Variants in PPP2R5A observed in about 807,000 individuals in gnomAD.
PPP2R5A encodes protein phosphatase 2 regulatory subunit B'alpha, also known as serine/threonine-protein phosphatase 2A 56 kDa regulatory subunit alpha isoform.
PPP2R5A carries 25 observed loss-of-function variants against 64.2 expected under a neutral mutation model. The observed-to-expected ratio is 0.39, with a 90% CI of 0.28 to 0.54. The LOEUF is 0.54. PPP2R5A is among the 20% of genes least tolerant of loss of function. PPP2R5A has a pLI of 0.67. For synonymous variants in PPP2R5A, 198 were observed against 201.2 expected (o/e 0.98, Z 0.13); for missense variants, 425 against 576.3 (o/e 0.74, Z 2.69).
At chr1:212,318,163 G>A (rs1659195403) in intron 1 of PPP2R5A, among the ~76,000 whole-genome samples, 1 of 152,190 alleles carries the variant, frequency 6.6e-6, no homozygotes, top group Non-Finnish European at 1.5e-5. Flanking sequence ...TTACAGTGTT[G>A]AGAATTATCT....
intron 1 of PPP2R5A, among the ~76,000 whole-genome samples, chr1:212,294,298 T>A (rs1658653739): frequency 6.6e-6 from 1 of 152,174 alleles, no homozygotes; most frequent in African/African-American, 2.4e-5. Flanking sequence ...GGGAAAAAGG[T>A]GAGACAGTTT....
At position 212,285,837 on chromosome 1, in the gene PPP2R5A, T is replaced by G; in HGVS notation, c.-274T>G. The G allele has an allele frequency of 2.8e-6, 1 of 352,412 alleles. No individual in the cohort carries two copies. The highest frequency in any genetic ancestry group is 5.1e-6 in the Non-Finnish European group (1 of 197,092). The allele number at this position is 352,412 out of a possible 1,614,324, so 21.8% of individuals were successfully genotyped here. ...GCTCTGCGCGCCCAGAGTCAACAAC[T>G]TCTTCACCCCCCTCCGCCCCCGCCC... On this transcript the variant is annotated 5_prime_UTR_variant, in exon 1 of 13. Transcript: ENST00000261461.
At chr1:212,303,238 T>A (rs1658831580) in intron 1 of PPP2R5A, among the ~76,000 whole-genome samples, 1 of 152,226 alleles carries the variant, frequency 6.6e-6, no homozygotes, top group Admixed American at 6.5e-5. Flanking sequence ...TCGCTCCACA[T>A]CCTTACCAGT....
chr1:212,311,157 C>A (rs1334865337), intron 1 of PPP2R5A, among the ~76,000 whole-genome samples: 4 of 152,106 alleles, frequency 2.6e-5, no homozygotes, highest in African/African-American at 9.7e-5. Flanking sequence ...TGTAAAAAAA[C>A]CAGCTGCACT....
rs1456937458 is a variant in PPP2R5A at position 212,321,936 on chromosome 1, G to A, written c.182-7199G>A. On this transcript the variant is annotated intron_variant, in intron 1 of 12. Transcript: ENST00000261461. Reference sequence around the variant, plus strand: ...TGAACGCGACTCCGTCTGCCATCCCGGCACCTCGGGAGGCCCAGGCTGGCG... The same window carrying A: ...TGAACGCGACTCCGTCTGCCATCCCAGCACCTCGGGAGGCCCAGGCTGGCG... Among the ~76,000 whole-genome samples, 5 of 151,604 alleles carry A rather than the reference G, an allele frequency of 3.3e-5. No homozygotes were observed. The South Asian group carries it at 6.2e-4, about 19-fold the overall frequency.
At chr1:212,337,618 A>G (rs1659612010) in intron 3 of PPP2R5A, among the ~76,000 whole-genome samples, 1 of 152,194 alleles carries the variant, frequency 6.6e-6, no homozygotes, top group Admixed American at 6.5e-5. Flanking sequence ...TATAGCCACA[A>G]AAATAAAAAG....
At chr1:212,312,538 C>T (rs1659059225) in intron 1 of PPP2R5A, among the ~76,000 whole-genome samples, 1 of 152,196 alleles carries the variant, frequency 6.6e-6, no homozygotes, top group Non-Finnish European at 1.5e-5. Flanking sequence ...GTTGATCTCC[C>T]TCTGGACTAG....
intron 1 of PPP2R5A, among the ~76,000 whole-genome samples, chr1:212,292,903 A>G (rs890529705): frequency 6.6e-6 from 1 of 152,182 alleles, no homozygotes; most frequent in Non-Finnish European, 1.5e-5. Flanking sequence ...AAACTGGTTC[A>G]GGATTATTTA....
rs114148425 is a variant in PPP2R5A at position 212,309,055 on chromosome 1, A to G, written c.182-20080A>G. ...TAGCCAGCTAGACTCAGTTTAGATG[A>G]TCTCGATTTTGTTGGCAACATCCAA... On this transcript the variant is annotated intron_variant, in intron 1 of 12. Coordinates refer to ENST00000261461, the MANE Select transcript of PPP2R5A (RefSeq NM_006243.4). 3,642 of 681,354 alleles carry G rather than the reference A, an allele frequency of 5.3e-3. 70 individuals are homozygous for G. The African/African-American group carries it at 0.055, about 10-fold the overall frequency. The allele number at this position is 681,354 out of a possible 1,614,324, so 42.2% of individuals were successfully genotyped here. A position where few individuals can be genotyped will look rare whatever the true frequency, so the allele number is the denominator to read the frequency against.
intron 1 of PPP2R5A, among the ~76,000 whole-genome samples, chr1:212,323,534 A>G (rs1369841299): frequency 1.3e-5 from 2 of 152,234 alleles, no homozygotes; most frequent in African/African-American, 4.8e-5. Context: ...CCCAGAGCCA[A>G]TGGAGTTGTA....
chr1:212,310,769 A>G (rs1428858586), intron 1 of PPP2R5A, among the ~76,000 whole-genome samples: 1 of 152,228 alleles, frequency 6.6e-6, no homozygotes, highest in East Asian at 1.9e-4. Context: ...GTTGGGCAGA[A>G]GAAAGGAGGC....
At chr1:212,323,781 G>A (rs954977688) in intron 1 of PPP2R5A, among the ~76,000 whole-genome samples, 2 of 152,048 alleles carry the variant, frequency 1.3e-5, no homozygotes, top group African/African-American at 4.8e-5. Flanking sequence ...TTTAAAAAAT[G>A]TGTAACATGG....
chr1:212,337,003 T>C (rs1659602462), intron 3 of PPP2R5A, among the ~76,000 whole-genome samples: 1 of 152,164 alleles, frequency 6.6e-6, no homozygotes, highest in African/African-American at 2.4e-5. Flanking sequence ...CATGTGCTAA[T>C]AAAAGTTTAT....
intron 8 of PPP2R5A, among the ~76,000 whole-genome samples, chr1:212,353,105 G>T (rs1659916401): frequency 6.6e-6 from 1 of 152,172 alleles, no homozygotes; most frequent in African/African-American, 2.4e-5. Flanking sequence ...TGTCAGATGG[G>T]GAAGGATCTG....
At chr1:212,347,102 T>G (rs1659795174) in intron 5 of PPP2R5A, among the ~76,000 whole-genome samples, 1 of 152,240 alleles carries the variant, frequency 6.6e-6, no homozygotes, top group Admixed American at 6.5e-5. Context: ...CCAGGTGAAA[T>G]GACAATCTGT....
chr1:212,322,739 A>G (rs1336445312), intron 1 of PPP2R5A, among the ~76,000 whole-genome samples: 1 of 149,734 alleles, frequency 6.7e-6, no homozygotes, highest in Non-Finnish European at 1.5e-5. Flanking sequence ...GCTTTCTTGC[A>G]TTTAATTAAT....
intron 1 of PPP2R5A, among the ~76,000 whole-genome samples, chr1:212,303,471 T>C (rs1658836256): frequency 1.3e-5 from 2 of 152,200 alleles, no homozygotes; most frequent in African/African-American, 4.8e-5. Context: ...ATTCTTTATA[T>C]GTCCTTGATA....
intron 8 of PPP2R5A, among the ~76,000 whole-genome samples, chr1:212,351,135 C>T (rs888459215): frequency 1.3e-5 from 2 of 150,510 alleles, no homozygotes; most frequent in African/African-American, 2.4e-5. Context: ...AAAACCTTGA[C>T]GATTAGGGAG....
intron 1 of PPP2R5A, among the ~76,000 whole-genome samples, chr1:212,290,441 A>T (rs1049871383): frequency 6.6e-6 from 1 of 152,154 alleles, no homozygotes; most frequent in Non-Finnish European, 1.5e-5. Flanking sequence ...TGTTAAGAAA[A>T]TTGTTTACAA....
Sources: gnomAD v4.1 joint callset for allele counts (sites outside exome capture counted in the v4.1 genomes callset) on GRCh38, gnomAD v4.1.1 for gene constraint, MANE v1.5 for transcripts, NCBI Gene and HGNC (gene_info 2026-07-23, HGNC 2026-07-21) for gene names.